The following NRXN3 variants were observed in gnomAD, a reference collection of about 807,000 sequenced individuals.
The protein encoded by NRXN3 is neurexin III.
NRXN3 carries 32 observed loss-of-function variants against 137.6 expected under a neutral mutation model. That is an observed-to-expected ratio of 0.23 (90% CI 0.18 to 0.31). NRXN3 has a LOEUF of 0.31. Among genes scored for constraint, NRXN3 ranks in the 10% least tolerant of loss-of-function variants. NRXN3 has a pLI of 1.00. For missense variants in NRXN3, 1,574 were observed against 2,062.5 expected (o/e 0.76, Z 4.59); for synonymous variants, 798 against 784.5 (o/e 1.02, Z -0.29).
chr14:78,254,590 A>G (rs1233405639), intron 2 of NRXN3, among the ~76,000 whole-genome samples: 1 of 152,030 alleles, frequency 6.6e-6, no homozygotes, highest in African/African-American at 2.4e-5. Flanking sequence ...GAGGCAGGAG[A>G]ATCATTTGAA....
chr14:78,800,295 A>T lies in NRXN3; in HGVS notation c.2045-3325A>T, dbSNP rs578062127. On this transcript the variant is annotated intron_variant, in intron 8 of 20. Transcript: ENST00000335750. ...TGTTACTTGATATCTAGAAAATGAGATAATAAAGTCTTCATGGTGTTCTTG... is the reference window on the plus strand; with the variant it reads ...TGTTACTTGATATCTAGAAAATGAGTTAATAAAGTCTTCATGGTGTTCTTG... 5.9e-5 allele frequency among the ~76,000 whole-genome samples: 9 copies of T among 152,302 alleles called. No individual in the cohort carries two copies. The South Asian group carries it at 1.9e-3, about 32-fold the overall frequency.
rs781494850 is a variant in NRXN3, at chr14:78,274,511, C to T, written c.710-4134C>T. The stretch of plus-strand genomic sequence containing the variant: ...TCCCTCCCATGACTTGTGGGGATTA[C>T]GGGAACTACAATTCAAGATGAGATT... On this transcript the variant is annotated intron_variant, in intron 2 of 20. Coordinates refer to ENST00000335750, the MANE Select transcript of NRXN3 (RefSeq NM_001330195.2). 4.6e-5 allele frequency among the ~76,000 whole-genome samples: 7 copies of T among 152,258 alleles called. No individual in the cohort carries two copies. The East Asian group carries it at 5.8e-4, about 13-fold the overall frequency.
intron 15 of NRXN3, among the ~76,000 whole-genome samples, chr14:79,188,070 C>T (rs1444600967): frequency 6.6e-6 from 1 of 152,204 alleles, no homozygotes; most frequent in Non-Finnish European, 1.5e-5. Flanking sequence ...GTTCATTACA[C>T]AGGTATCCCT....
chr14:79,520,603 TG>T (rs1004128902), intron 16 of NRXN3, among the ~76,000 whole-genome samples: 1 of 152,212 alleles, frequency 6.6e-6, no homozygotes, highest in African/African-American at 2.4e-5. Flanking sequence ...TCCATGTCCC[TG>T]CAAAGGACAT....
At position 79,792,339 on chromosome 14, in the gene NRXN3, T is replaced by G. The variant is rs934064253; in HGVS notation, c.4015-12773T>G. Among the ~76,000 whole-genome samples the G allele has an allele frequency of 2.0e-5, 3 of 152,314 alleles. No individual in the cohort carries two copies. The South Asian group carries it at 6.2e-4, about 32-fold the overall frequency. On this transcript the variant is annotated intron_variant, in intron 19 of 20. Transcript: ENST00000335750. ...GTGGCTTCTCTTGTTTGTTGCCCAGTAATTCTGTTTTATTGATTTCTGTTT... is the reference window on the plus strand; with the variant it reads ...GTGGCTTCTCTTGTTTGTTGCCCAGGAATTCTGTTTTATTGATTTCTGTTT...
At chr14:78,279,558 A>T (rs78317883) in intron 3 of NRXN3, 62 of 152,316 alleles carry the variant, frequency 4.1e-4, no homozygotes, top group African/African-American at 1.5e-3. Flanking sequence ...TTATAGCATT[A>T]ATACGAGATA....
intron 15 of NRXN3, among the ~76,000 whole-genome samples, chr14:79,193,428 T>G (rs775981124): frequency 6.6e-6 from 1 of 152,254 alleles, no homozygotes; most frequent in Non-Finnish European, 1.5e-5. Flanking sequence ...ACAAACAAGA[T>G]AGTGTCTTGG....
At chr14:78,473,755 G>T (rs2095327389) in intron 4 of NRXN3, among the ~76,000 whole-genome samples, 1 of 152,230 alleles carries the variant, frequency 6.6e-6, no homozygotes, top group Non-Finnish European at 1.5e-5. Flanking sequence ...CTTGACTGGG[G>T]CCGGAGGATC....
chr14:79,287,389 G>C (rs758632503), intron 15 of NRXN3, among the ~76,000 whole-genome samples: 46 of 152,140 alleles, frequency 3.0e-4, no homozygotes, highest in Non-Finnish European at 6.0e-4. Flanking sequence ...AGGACTCCAA[G>C]AAATACTCTG....
intron 15 of NRXN3, among the ~76,000 whole-genome samples, chr14:79,062,221 G>A (rs1397834939): frequency 3.3e-5 from 5 of 152,156 alleles, no homozygotes; most frequent in Admixed American, 2.6e-4. Context: ...GCAGCAAGCA[G>A]CTGGTTCCTA....
chr14:78,786,748 T>C (rs1026872318), intron 8 of NRXN3, among the ~76,000 whole-genome samples: 5 of 152,194 alleles, frequency 3.3e-5, no homozygotes, highest in African/African-American at 1.2e-4. Flanking sequence ...TACTTATGTA[T>C]ATGTACACAT....
At chr14:78,926,451 A>G (rs970749954) in intron 10 of NRXN3, among the ~76,000 whole-genome samples, 1 of 150,086 alleles carries the variant, frequency 6.7e-6, no homozygotes, top group Non-Finnish European at 1.5e-5. Context: ...CATTGATAAC[A>G]TAATTTTGGC....
chr14:79,859,453 A>G (rs2099409794), intron 20 of NRXN3, among the ~76,000 whole-genome samples: 1 of 152,216 alleles, frequency 6.6e-6, no homozygotes, highest in Non-Finnish European at 1.5e-5. Flanking sequence ...TTCAGGATGC[A>G]AGGTGTGGAA....
At chr14:78,401,778 A>G (rs2092090464) in intron 4 of NRXN3, among the ~76,000 whole-genome samples, 1 of 152,188 alleles carries the variant, frequency 6.6e-6, no homozygotes, top group Non-Finnish European at 1.5e-5. Context: ...TCAATCTATA[A>G]CTCATACTTA....
At chr14:78,324,401 A>G (rs115051631) in intron 4 of NRXN3, among the ~76,000 whole-genome samples, 2,457 of 152,186 alleles carry the variant, frequency 0.016, 110 homozygotes, top group African/African-American at 0.056. Context: ...ATCTGTTAAC[A>G]GAGGAAGCTG....
At chr14:79,529,011 G>A (rs1034222710) in intron 16 of NRXN3, among the ~76,000 whole-genome samples, 7 of 152,086 alleles carry the variant, frequency 4.6e-5, no homozygotes, top group Non-Finnish European at 8.8e-5. Context: ...CTAGCACAGC[G>A]CTTACCAGAG....
intron 4 of NRXN3, among the ~76,000 whole-genome samples, chr14:78,566,909 G>C (rs990518286): frequency 2.2e-4 from 34 of 152,160 alleles, no homozygotes; most frequent in Admixed American, 1.8e-3. Flanking sequence ...TTTCCCTAGT[G>C]GTTTCAGGTG....
intron 17 of NRXN3, among the ~76,000 whole-genome samples, chr14:79,672,183 T>G (rs2154000470): frequency 6.6e-6 from 1 of 152,200 alleles, no homozygotes; most frequent in South Asian, 2.1e-4. Flanking sequence ...ACATTTACAT[T>G]TTCCCCATTT....
At chr14:78,765,843 A>T (rs911074000) in intron 8 of NRXN3, among the ~76,000 whole-genome samples, 2 of 151,866 alleles carry the variant, frequency 1.3e-5, no homozygotes, top group Admixed American at 6.6e-5. Context: ...CTCTGTTTTC[A>T]TCTCCATATC....
Sources: gnomAD v4.1 joint callset for allele counts (sites outside exome capture counted in the v4.1 genomes callset) on GRCh38, gnomAD v4.1.1 for gene constraint, MANE v1.5 for transcripts, NCBI Gene and HGNC (gene_info 2026-07-23, HGNC 2026-07-21) for gene names.